The following TBC1D9 variants were observed in gnomAD, a reference collection of about 807,000 sequenced individuals.
The protein encoded by TBC1D9 is TBC1 domain family member 9, also known as TBC1 domain family member 9A.
A neutral mutation model predicts 132.0 loss-of-function variants in TBC1D9; 63 were observed. That is an observed-to-expected ratio of 0.48 (90% confidence interval 0.39 to 0.59). The LOEUF is 0.59. TBC1D9 is among the 20% of genes least tolerant of loss of function. TBC1D9 has a pLI of 0.00. For synonymous variants in TBC1D9, 610 were observed against 609.9 expected (o/e 1.00, Z 0.00); for missense variants, 1,261 against 1,592.7 (o/e 0.79, Z 3.54).
chr4:140,710,807 G>A (rs1449689423), intron 1 of TBC1D9, among the ~76,000 whole-genome samples: 2 of 152,128 alleles, frequency 1.3e-5, no homozygotes, highest in African/African-American at 2.4e-5. Context: ...CCCTAATCAG[G>A]ACCAACTACA....
At chr4:140,657,289 C>A (rs1737288686) in intron 12 of TBC1D9, 63 bp from the exon 13 acceptor site, 1 of 1,561,124 alleles carries the variant, frequency 6.4e-7, no homozygotes, top group African/African-American at 1.4e-5. Context: ...TTATAATTCT[C>A]CAATCATTTT....
At chr4:140,699,572 T>C (rs1237117103) in intron 2 of TBC1D9, among the ~76,000 whole-genome samples, 4 of 152,132 alleles carry the variant, frequency 2.6e-5, no homozygotes, top group Non-Finnish European at 5.9e-5. Context: ...CAAATTCCAA[T>C]TGAGGAGCAT....
intron 1 of TBC1D9, among the ~76,000 whole-genome samples, chr4:140,727,481 G>A (rs557950230): frequency 3.3e-5 from 5 of 152,186 alleles, no homozygotes; most frequent in Non-Finnish European, 5.9e-5. Flanking sequence ...GGATGGAAGC[G>A]TGGACATTTT....
At chr4:140,656,844 CTCTT>C (rs1449930631) in intron 13 of TBC1D9, among the ~76,000 whole-genome samples, 1 of 152,228 alleles carries the variant, frequency 6.6e-6, no homozygotes, top group Non-Finnish European at 1.5e-5. Flanking sequence ...TGGGTTCTCT[CTCTT>C]CTGCCAGTGA....
Position 140,728,453 on chromosome 4 carries a change from T to C in TBC1D9, c.131-26839A>G, listed in dbSNP as rs187656061. Among the ~76,000 whole-genome samples, 28 of 152,166 alleles carry C rather than the reference T, an allele frequency of 1.8e-4. No individual in the cohort carries two copies. In the East Asian group the frequency reaches 5.4e-3, roughly 29 times the overall value. ...AACAAAACTTTCAATTAATTTAAGTTAGCCATCTTAGAAAAGTAGAAATCT... is the reference window on the plus strand; with the variant it reads ...AACAAAACTTTCAATTAATTTAAGTCAGCCATCTTAGAAAAGTAGAAATCT... On this transcript the variant is annotated intron_variant, in intron 1 of 20. Coordinates refer to ENST00000442267, the MANE Select transcript of TBC1D9 (RefSeq NM_015130.3).
intron 1 of TBC1D9, among the ~76,000 whole-genome samples, chr4:140,721,405 G>A (rs970227606): frequency 1.3e-5 from 2 of 152,152 alleles, no homozygotes; most frequent in Admixed American, 6.6e-5. Context: ...CCTATTTGAT[G>A]AATGAGGACA....
intron 1 of TBC1D9, among the ~76,000 whole-genome samples, chr4:140,754,099 G>A (rs1003914106): frequency 5.9e-5 from 9 of 152,116 alleles, no homozygotes; most frequent in African/African-American, 2.2e-4. Flanking sequence ...GATTTCAAGT[G>A]GACCGTAGTC....
chr4:140,691,154 A>G (rs6537004), intron 2 of TBC1D9, among the ~76,000 whole-genome samples: 132,994 of 151,988 alleles, frequency 0.88, 58,349 homozygotes, highest in African/African-American at 0.93. Context: ...CACCATCACC[A>G]TCTGAAGATG....
intron 13 of TBC1D9, chr4:140,642,081 G>C: frequency 1.4e-6 from 1 of 705,202 alleles, no homozygotes; most frequent in South Asian, 1.5e-5. Context: ...GGGAGGGGGC[G>C]GAGGAGGGGG....
intron 6 of TBC1D9, among the ~76,000 whole-genome samples, chr4:140,675,950 G>A (rs1578835859): frequency 6.6e-6 from 1 of 152,158 alleles, no homozygotes; most frequent in Admixed American, 6.5e-5. Flanking sequence ...CCTTCCCAGG[G>A]CTAGCCAATT....
intron 2 of TBC1D9, among the ~76,000 whole-genome samples, chr4:140,699,848 T>G (rs1738036243): frequency 6.6e-6 from 1 of 152,214 alleles, no homozygotes; most frequent in Non-Finnish European, 1.5e-5. Context: ...GAGGAAACTC[T>G]GCATGGGGGG....
At chr4:140,681,378 G>A (rs751285823) in intron 3 of TBC1D9, among the ~76,000 whole-genome samples, 7 of 152,148 alleles carry the variant, frequency 4.6e-5, no homozygotes, top group Non-Finnish European at 8.8e-5. Flanking sequence ...CATTTCCTGA[G>A]TCTTATTTCC....
chr4:140,675,701 C>T (rs1737613597), intron 6 of TBC1D9, among the ~76,000 whole-genome samples: 1 of 152,156 alleles, frequency 6.6e-6, no homozygotes, highest in African/African-American at 2.4e-5. Flanking sequence ...GATACAGATT[C>T]AGAAGATCTG....
At position 140,627,442 on chromosome 4, in the gene TBC1D9, A is replaced by G; in HGVS notation, c.2898T>C (p.His966=). 6.3e-7 allele frequency: 1 copy of G among 1,592,536 alleles called. No homozygotes were observed. Among genetic ancestry groups the G allele is most frequent in the Non-Finnish European group, 8.6e-7 (1 of 1,162,480 alleles). The change falls in exon 18 of 21, where the codon CAT becomes CAC. Residue 966 remains histidine (H), a splice_region_variant and synonymous_variant. Coordinates refer to ENST00000442267, the MANE Select transcript of TBC1D9 (RefSeq NM_015130.3). Reference sequence around the variant, plus strand: ...TCTTTGGTGAGAAAAGTCACTTACCATGTGTACATTCTGGGGTAATATCTT... The same window carrying G: ...TCTTTGGTGAGAAAAGTCACTTACCGTGTGTACATTCTGGGGTAATATCTT... The part of the protein sequence containing the change: ...FFEDITPECT[H]VVGLDSRSKQ...
intron 1 of TBC1D9, among the ~76,000 whole-genome samples, chr4:140,722,273 GA>G (rs148866029): frequency 2.0e-5 from 3 of 152,194 alleles, no homozygotes; most frequent in East Asian, 3.9e-4. Context: ...GAAAGAGGGG[GA>G]AAAAAGCTCA....
In TBC1D9 at chr4:140,686,201, T is replaced by C. The variant is rs2111024611; in HGVS notation, c.360+143A>G. Reference sequence around the variant, plus strand: ...TCAGGAGAGGAGGCAAACACACATATGAGAAAGCAAATGCAGTAAAATGTT... The same window carrying C: ...TCAGGAGAGGAGGCAAACACACATACGAGAAAGCAAATGCAGTAAAATGTT... On this transcript the variant is annotated intron_variant, in intron 3 of 20. Transcript: ENST00000442267. 5.2e-6 allele frequency: 3 copies of C among 574,334 alleles called. No individual in the cohort carries two copies. In the South Asian group the frequency reaches 7.0e-5, roughly 13 times the overall value. 35.6% of individuals were successfully genotyped at this position (574,334 alleles called of 1,614,324 possible).
chr4:140,737,465 T>TCA (rs1009265380), intron 1 of TBC1D9, among the ~76,000 whole-genome samples: 18 of 131,454 alleles, frequency 1.4e-4, no homozygotes, highest in African/African-American at 4.2e-4. Flanking sequence ...TCTCTCTCTC[T>TCA]CACACACACA....
At chr4:140,631,491 T>G (rs560370229) in intron 16 of TBC1D9, among the ~76,000 whole-genome samples, 1 of 152,304 alleles carries the variant, frequency 6.6e-6, no homozygotes, top group East Asian at 1.9e-4. Flanking sequence ...ACCCCTAATT[T>G]CTAATTCCAC....
intron 1 of TBC1D9, 118 bp downstream of exon 1, chr4:140,755,798 G>C (rs981881542): frequency 2.3e-5 from 31 of 1,362,966 alleles, no homozygotes; most frequent in Admixed American, 3.8e-5. Context: ...CAACGAGGCA[G>C]GGCGGGTCGC....
Sources: allele counts gnomAD v4.1 joint callset (sites outside exome capture counted in the v4.1 genomes callset), GRCh38; gene constraint gnomAD v4.1.1; transcripts MANE v1.5; gene names NCBI Gene and HGNC (gene_info 2026-07-23, HGNC 2026-07-21).